SLC6A11: variants seen among roughly 807,000 people sequenced by gnomAD.
SLC6A11 encodes the protein solute carrier family 6 member 11.
A neutral mutation model predicts 74.8 loss-of-function variants in SLC6A11; 25 were observed. The observed-to-expected ratio is 0.33, with a 90% confidence interval of 0.24 to 0.47. The LOEUF is 0.47. Ranked by LOEUF, SLC6A11 falls within the 20% of genes least tolerant of loss-of-function variation. The pLI is 1.00. For missense variants in SLC6A11, 574 were observed against 837.0 expected (o/e 0.69, Z 3.88); for synonymous variants, 330 against 330.2 (o/e 1.00, Z 0.01).
At chr3:10,870,985 A>T (rs2106601340) in intron 5 of SLC6A11, among the ~76,000 whole-genome samples, 1 of 152,348 alleles carries the variant, frequency 6.6e-6, no homozygotes, top group East Asian at 1.9e-4. Context: ...ATAAAAATGA[A>T]GGTGTGAATA....
intron 6 of SLC6A11, among the ~76,000 whole-genome samples, chr3:10,883,659 C>CT (rs1006139124): frequency 6.6e-6 from 1 of 152,138 alleles, no homozygotes; most frequent in East Asian, 1.9e-4. Context: ...GTTCAAGACC[C>CT]TACCTGCTGA....
rs144481019 is a variant in SLC6A11 at position 10,875,026 on chromosome 3, G to A, written c.822G>A (p.Thr274=). The part of the protein sequence containing the change: ...MLLILLIRGV[T]LPGASEGIKF... The stretch of plus-strand genomic sequence containing the variant: ...TGATCCTCCTGATACGAGGGGTCAC[G>A]TTGCCCGGGGCCTCAGAGGGCATCA... Residue 274 remains threonine (T), a synonymous_variant, in exon 6 of 14, where the codon ACG becomes ACA. Coordinates refer to ENST00000254488, the MANE Select transcript of SLC6A11 (RefSeq NM_014229.3). The A allele has an allele frequency of 1.0e-4, 166 of 1,613,600 alleles. No individual in the cohort carries two copies. Among genetic ancestry groups the A allele is most frequent in the East Asian group, 3.6e-4 (16 of 44,864 alleles).
chr3:10,851,221 A>T (rs1694571756), intron 5 of SLC6A11, among the ~76,000 whole-genome samples: 2 of 152,010 alleles, frequency 1.3e-5, no homozygotes. Flanking sequence ...CCTGGTCTCC[A>T]GGAGCAGTGA....
At chr3:10,891,836 T>C (rs955349447) in intron 6 of SLC6A11, among the ~76,000 whole-genome samples, 1 of 152,256 alleles carries the variant, frequency 6.6e-6, no homozygotes, top group African/African-American at 2.4e-5. Context: ...TCACTAATTT[T>C]GTGTCCTTGG....
intron 5 of SLC6A11, among the ~76,000 whole-genome samples, chr3:10,852,446 C>T (rs1032502006): frequency 2.0e-5 from 3 of 152,252 alleles, no homozygotes; most frequent in African/African-American, 4.8e-5. Flanking sequence ...AGGGCTTCAC[C>T]TTTAGCGGGA....
In SLC6A11 at chr3:10,938,596, A is replaced by C. The variant is rs1246812275; in HGVS notation, c.*194A>C. On this transcript the variant is annotated 3_prime_UTR_variant, in exon 14 of 14. Coordinates refer to ENST00000254488, the MANE Select transcript of SLC6A11 (RefSeq NM_014229.3). ...CCTCCCCGCCCCCAGTCATCATGGA[A>C]GTAACCACTACAAAGAGATAACACT... 1 of 498,306 alleles carries C rather than the reference A, an allele frequency of 2.0e-6. No homozygotes were observed. The highest frequency in any genetic ancestry group is 3.5e-6 in the Non-Finnish European group (1 of 282,148). 30.9% of individuals were successfully genotyped at this position (498,306 alleles called of 1,614,324 possible).
chr3:10,819,961 A>G (rs1250984998), intron 3 of SLC6A11, 109 bp downstream of exon 3: 3 of 1,187,468 alleles, frequency 2.5e-6, no homozygotes, highest in East Asian at 4.7e-5. Context: ...TCATGAGTCC[A>G]GTTTTCTAGG....
chr3:10,858,113 T>C (rs1694659773), intron 5 of SLC6A11, among the ~76,000 whole-genome samples: 1 of 152,188 alleles, frequency 6.6e-6, no homozygotes, highest in Non-Finnish European at 1.5e-5. Context: ...GAATAGTGAC[T>C]AATAAAAGGG....
At chr3:10,826,013 G>T (rs939427126) in intron 4 of SLC6A11, among the ~76,000 whole-genome samples, 3 of 152,170 alleles carry the variant, frequency 2.0e-5, no homozygotes, top group African/African-American at 7.2e-5. Flanking sequence ...GAATCAGTTT[G>T]TTGAATTAAA....
intron 5 of SLC6A11, among the ~76,000 whole-genome samples, chr3:10,863,606 G>A (rs1694730028): frequency 6.6e-6 from 1 of 152,182 alleles, no homozygotes; most frequent in African/African-American, 2.4e-5. Context: ...TGACAGGAGT[G>A]TTTTGTTCTG....
chr3:10,928,955 G>A (rs1326027645), intron 9 of SLC6A11, among the ~76,000 whole-genome samples: 3 of 152,344 alleles, frequency 2.0e-5, no homozygotes, highest in East Asian at 3.9e-4. Flanking sequence ...TGACTGCCAC[G>A]TCCTTGCTGA....
At chr3:10,876,486 A>T (rs1694908149) in intron 6 of SLC6A11, among the ~76,000 whole-genome samples, 1 of 152,102 alleles carries the variant, frequency 6.6e-6, no homozygotes, top group Non-Finnish European at 1.5e-5. Flanking sequence ...TCCTCTGCTT[A>T]TGGGCTTCTT....
chr3:10,902,063 C>T (rs1271056278), intron 6 of SLC6A11, among the ~76,000 whole-genome samples: 4 of 147,468 alleles, frequency 2.7e-5, no homozygotes, highest in Non-Finnish European at 5.9e-5. Context: ...GTTGTGTGTG[C>T]GTGTGTCTGT....
In SLC6A11 at chr3:10,938,298, A is replaced by T; in HGVS notation, c.1795A>T (p.Lys599Ter). 1 of 1,612,372 alleles carries T rather than the reference A, an allele frequency of 6.2e-7. No individual in the cohort carries two copies. Among genetic ancestry groups the T allele is most frequent in the Non-Finnish European group, 8.5e-7 (1 of 1,178,740 alleles). The change falls in exon 14 of 14, where the codon AAG becomes TAG. Residue 599 changes from lysine to a stop codon, truncating the protein, a stop_gained. Transcript: ENST00000254488. LOFTEE classifies it high-confidence loss of function. ...TPSTDLKMRGKLGVSPRMVTV... is the reference protein window; with the variant it reads ...TPSTDLKMRG ...CAGCACAGATCTGAAAATGCGGGGCAAGCTTGGGGTGAGCCCACGGATGGT... is the reference window on the plus strand; with the variant it reads ...CAGCACAGATCTGAAAATGCGGGGCTAGCTTGGGGTGAGCCCACGGATGGT...
intron 5 of SLC6A11, among the ~76,000 whole-genome samples, chr3:10,873,552 ACCC>A (rs1694862279): frequency 2.8e-5 from 4 of 142,816 alleles, no homozygotes; most frequent in African/African-American, 5.4e-5. Context: ...ATCCTATCCT[ACCC>A]TACCCTACCC....
intron 4 of SLC6A11, chr3:10,825,234 C>T (rs58599178): frequency 6.6e-6 from 1 of 151,394 alleles, no homozygotes; most frequent in Non-Finnish European, 1.5e-5. Context: ...GTGAGAATTT[C>T]TGCAGCTTCA....
chr3:10,918,915 G>A lies in SLC6A11; in HGVS notation c.1120+462G>A, dbSNP rs572418551. ...GGCTTCTCATAGTGCTGGACTCAGC[G>A]TGGCCACAAAGCCCTGTGTTGCCCG... On this transcript the variant is annotated intron_variant, in intron 8 of 13. Coordinates refer to ENST00000254488, the MANE Select transcript of SLC6A11 (RefSeq NM_014229.3). The surrounding 1 kb of genome is among the most constrained non-coding windows in gnomAD (Gnocchi z 4.5). 2.0e-5 allele frequency among the ~76,000 whole-genome samples: 3 copies of A among 151,824 alleles called. No individual in the cohort carries two copies. The highest frequency in any genetic ancestry group is 2.1e-4 in the South Asian group (1 of 4,786).
At chr3:10,854,869 C>T (rs184150759) in intron 5 of SLC6A11, among the ~76,000 whole-genome samples, 35 of 152,224 alleles carry the variant, frequency 2.3e-4, no homozygotes, top group Middle Eastern at 3.4e-3. Context: ...AATAAGCTCC[C>T]GAAGGACAGA....
intron 6 of SLC6A11, among the ~76,000 whole-genome samples, chr3:10,904,436 C>T (rs1695277935): frequency 6.6e-6 from 1 of 152,212 alleles, no homozygotes; most frequent in African/African-American, 2.4e-5. Context: ...GTCCTCCAAA[C>T]CTCTGAATGT....
Sources: gnomAD v4.1 joint callset for allele counts (sites outside exome capture counted in the v4.1 genomes callset) on GRCh38, gnomAD v4.1.1 for gene constraint, Gnocchi (gnomAD v3.1) non-coding constraint, MANE v1.5 for transcripts, NCBI Gene and HGNC (gene_info 2026-07-23, HGNC 2026-07-21) for gene names.